Variants in CSMD1 observed in about 807,000 individuals in gnomAD.
The protein encoded by CSMD1 is CUB and Sushi multiple domains 1, also known as CUB and sushi domain-containing protein 1.
A neutral mutation model predicts 417.5 loss-of-function variants in CSMD1; 213 were observed. The ratio of observed to expected loss-of-function variants is 0.51; its 90% CI spans 0.46 to 0.57. CSMD1 has a LOEUF of 0.57. CSMD1 is among the 20% of genes least tolerant of loss of function. The pLI is 0.00. For synonymous variants in CSMD1, 2,862 were observed against 1,736.8 expected (o/e 1.65, Z -16.11); for missense variants, 6,923 against 4,529.7 (o/e 1.53, Z -15.17).
intron 37 of CSMD1, among the ~76,000 whole-genome samples, chr8:3,165,670 G>A (rs1420021111): frequency 1.3e-5 from 2 of 152,040 alleles, no homozygotes; most frequent in East Asian, 1.9e-4. Context: ...CTGACCTCGT[G>A]ATCCACCTGC....
intron 2 of CSMD1, among the ~76,000 whole-genome samples, chr8:4,432,551 A>G (rs1028241417): frequency 1.3e-5 from 2 of 152,168 alleles, no homozygotes; most frequent in African/African-American, 2.4e-5. Context: ...CAACATCCAT[A>G]AAACACCCTT....
intron 2 of CSMD1, among the ~76,000 whole-genome samples, chr8:4,467,149 A>T (rs1800228179): frequency 6.6e-6 from 1 of 151,872 alleles, no homozygotes; most frequent in Non-Finnish European, 1.5e-5. Flanking sequence ...AAGAAAAAAA[A>T]AGAAAAAACA....
At chr8:4,070,539 A>G (rs1165978111) in intron 3 of CSMD1, among the ~76,000 whole-genome samples, 2 of 151,972 alleles carry the variant, frequency 1.3e-5, no homozygotes, top group Non-Finnish European at 2.9e-5. Flanking sequence ...TTGTATTTTT[A>G]GTAGAGACGG....
In CSMD1 at chr8:3,387,683, C is replaced by G. The variant is rs1252254890; in HGVS notation, c.2594-1G>C. On this transcript the variant is annotated splice_acceptor_variant, in intron 17 of 69. Coordinates refer to ENST00000635120, the MANE Select transcript of CSMD1 (RefSeq NM_033225.6). LOFTEE classifies it high-confidence loss of function. ...CAGGAATCCGACTCAAGCGTCACACCTGGATGCACAGAACGAATGCAGTCG... is the reference window on the plus strand; with the variant it reads ...CAGGAATCCGACTCAAGCGTCACACGTGGATGCACAGAACGAATGCAGTCG... 1 of 1,591,768 alleles carries G rather than the reference C, an allele frequency of 6.3e-7. No individual in the cohort carries two copies. The highest frequency in any genetic ancestry group is 8.6e-7 in the Non-Finnish European group (1 of 1,168,820).
intron 1 of CSMD1, among the ~76,000 whole-genome samples, chr8:4,769,990 T>C (rs1286965617): frequency 6.6e-6 from 1 of 151,974 alleles, no homozygotes. Context: ...AAACTCTCTC[T>C]CCCTCCCTTT....
intron 3 of CSMD1, among the ~76,000 whole-genome samples, chr8:4,165,213 C>T (rs982435067): frequency 6.6e-6 from 1 of 152,304 alleles, no homozygotes; most frequent in Non-Finnish European, 1.5e-5. Flanking sequence ...GAGCTACACA[C>T]CCTCCAGGTG....
chr8:4,941,334 T>C (rs1308983563), intron 1 of CSMD1, among the ~76,000 whole-genome samples: 1 of 144,528 alleles, frequency 6.9e-6, no homozygotes, highest in Non-Finnish European at 1.5e-5. Context: ...CGCTTCATAA[T>C]AAATGTTTTG....
At position 4,267,878 on chromosome 8, in the gene CSMD1, A is replaced by T. The variant is rs114650106; in HGVS notation, c.415+152075T>A. 4.8e-3 allele frequency among the ~76,000 whole-genome samples: 725 copies of T among 152,156 alleles called. 35 individuals are homozygous for T. The East Asian group carries it at 0.11, about 22-fold the overall frequency. ...GTCATAGCCATATACTTGTGATTAA[A>T]TTTTTTTTAAACACTGTAATGACTG... On this transcript the variant is annotated intron_variant, in intron 3 of 69. Transcript: ENST00000635120.
chr8:3,288,618 T>A, intron 25 of CSMD1, among the ~76,000 whole-genome samples: 1 of 147,422 alleles, frequency 6.8e-6, no homozygotes, highest in Non-Finnish European at 1.5e-5. Flanking sequence ...TGATGGTAGT[T>A]TGTATTTCTG....
chr8:4,290,325 G>T (rs760312037), intron 3 of CSMD1, among the ~76,000 whole-genome samples: 2 of 152,162 alleles, frequency 1.3e-5, no homozygotes, highest in Non-Finnish European at 2.9e-5. Flanking sequence ...GGTCGTGTTT[G>T]AATTTCTACA....
intron 18 of CSMD1, among the ~76,000 whole-genome samples, chr8:3,377,909 C>T (rs1037071627): frequency 2.6e-5 from 4 of 152,312 alleles, no homozygotes; most frequent in African/African-American, 9.6e-5. Flanking sequence ...TTATCTCTCT[C>T]TCTCTTTCTA....
intron 68 of CSMD1, among the ~76,000 whole-genome samples, chr8:2,946,722 A>T (rs889532705): frequency 6.6e-6 from 1 of 152,182 alleles, no homozygotes; most frequent in African/African-American, 2.4e-5. Context: ...GTTTTGTGTG[A>T]CATATTTTTC....
At position 3,926,301 on chromosome 8, in the gene CSMD1, T is replaced by C. The variant is rs79506225; in HGVS notation, c.818+71602A>G. Among the ~76,000 whole-genome samples the C allele has an allele frequency of 4.0e-3, 606 of 152,332 alleles. 5 individuals are homozygous for C. Among genetic ancestry groups the C allele is most frequent in the Middle Eastern group, 6.8e-3 (2 of 294 alleles). On this transcript the variant is annotated intron_variant, in intron 5 of 69. Coordinates refer to ENST00000635120, the MANE Select transcript of CSMD1 (RefSeq NM_033225.6). ...CAATACTCCCCTTGTGCCATGTATT[T>C]CTCCTTATAACTTTTCAATCTATTA...
At chr8:3,542,206 C>G (rs1161512084) in intron 10 of CSMD1, among the ~76,000 whole-genome samples, 1 of 152,180 alleles carries the variant, frequency 6.6e-6, no homozygotes, top group South Asian at 2.1e-4. Context: ...AATATTGATA[C>G]TTACCTCTTA....
At chr8:4,943,107 C>G (rs1046275814) in intron 1 of CSMD1, among the ~76,000 whole-genome samples, 4 of 152,128 alleles carry the variant, frequency 2.6e-5, no homozygotes, top group African/African-American at 7.2e-5. Flanking sequence ...ATAGATTTTA[C>G]AATTTGAAGG....
chr8:3,390,935 G>C (rs555240748), intron 17 of CSMD1, among the ~76,000 whole-genome samples: 1 of 152,024 alleles, frequency 6.6e-6, no homozygotes, highest in Admixed American at 6.5e-5. Context: ...AGTCACAGTT[G>C]ATAAAGCCAG....
chr8:4,369,404 G>T (rs542663141), intron 3 of CSMD1, among the ~76,000 whole-genome samples: 10 of 152,186 alleles, frequency 6.6e-5, no homozygotes, highest in Admixed American at 2.6e-4. Context: ...CAGGTAAGAA[G>T]AAAGTATATT....
chr8:4,046,239 T>A (rs1798140718), intron 3 of CSMD1, among the ~76,000 whole-genome samples: 1 of 152,190 alleles, frequency 6.6e-6, no homozygotes, highest in Admixed American at 6.5e-5. Flanking sequence ...AAAGGTCATG[T>A]GGCATTATCT....
intron 11 of CSMD1, among the ~76,000 whole-genome samples, chr8:3,493,316 G>A (rs1227984991): frequency 1.5e-5 from 2 of 136,004 alleles, no homozygotes; most frequent in Non-Finnish European, 3.2e-5. Context: ...AAAAAAAGGG[G>A]GGGCGGAGGG....
Sources: allele counts gnomAD v4.1 joint callset (sites outside exome capture counted in the v4.1 genomes callset), GRCh38; gene constraint gnomAD v4.1.1; transcripts MANE v1.5; gene names NCBI Gene and HGNC (gene_info 2026-07-23, HGNC 2026-07-21).